The following VIT variants were observed in gnomAD, a reference collection of about 807,000 sequenced individuals.
VIT encodes vitrin.
A neutral mutation model predicts 78.0 loss-of-function variants in VIT; 99 were observed. The ratio of observed to expected loss-of-function variants is 1.27; its 90% CI spans 1.08 to 1.50. The LOEUF (loss-of-function observed/expected upper bound fraction) is 1.50. Ranked by LOEUF, VIT falls within the 40% of genes most tolerant of loss-of-function variation. The pLI is 0.00. For missense variants in VIT, 1,126 were observed against 875.3 expected (o/e 1.29, Z -3.61); for synonymous variants, 374 against 334.3 (o/e 1.12, Z -1.29).
chr2:36,759,535 A>C, intron 6 of VIT: 1 of 1,101,712 alleles, frequency 9.1e-7, no homozygotes, highest in Non-Finnish European at 1.1e-6. Context: ...TGTGAACCAC[A>C]AAAGGGAGTA....
At chr2:36,745,880 T>C (rs989213845) in intron 4 of VIT, among the ~76,000 whole-genome samples, 1 of 152,134 alleles carries the variant, frequency 6.6e-6, no homozygotes, top group Non-Finnish European at 1.5e-5. Context: ...CTTGTCTTGT[T>C]CCAGTTCTCA....
At chr2:36,737,855 C>T (rs1164267175) in intron 3 of VIT, among the ~76,000 whole-genome samples, 2 of 152,186 alleles carry the variant, frequency 1.3e-5, no homozygotes, top group Non-Finnish European at 2.9e-5. Flanking sequence ...GTGGGTTCTC[C>T]ACACAGATTG....
intron 7 of VIT, among the ~76,000 whole-genome samples, chr2:36,770,673 G>C (rs760618528): frequency 5.1e-4 from 78 of 152,218 alleles, no homozygotes; most frequent in Non-Finnish European, 1.5e-4. Flanking sequence ...CAGATCTATA[G>C]ATATGCTTAG....
intron 1 of VIT, 76 bp from the exon 2 acceptor site, chr2:36,716,277 A>G (rs1425704831): frequency 1.6e-6 from 2 of 1,238,612 alleles, no homozygotes; most frequent in African/African-American, 1.5e-5. Context: ...GATGCAGTCT[A>G]TCCCCACACA....
chr2:36,767,594 T>C (rs896017125), intron 7 of VIT, among the ~76,000 whole-genome samples: 1 of 152,244 alleles, frequency 6.6e-6, no homozygotes, highest in Non-Finnish European at 1.5e-5. Context: ...GTTGTTGTTA[T>C]TGGTTTTTAA....
intron 6 of VIT, among the ~76,000 whole-genome samples, chr2:36,764,573 C>A (rs1034077483): frequency 2.6e-5 from 4 of 152,134 alleles, no homozygotes; most frequent in Non-Finnish European, 4.4e-5. Flanking sequence ...AGGCTACAGG[C>A]AAATTTAAAG....
At chr2:36,772,413 G>C (rs1238008906) in intron 7 of VIT, among the ~76,000 whole-genome samples, 1 of 152,300 alleles carries the variant, frequency 6.6e-6, no homozygotes, top group East Asian at 1.9e-4. Flanking sequence ...GCACATGCTT[G>C]TAATCCCAGC....
At chr2:36,743,444 T>C (rs1245887655) in intron 4 of VIT, among the ~76,000 whole-genome samples, 188 bp downstream of exon 4, 1 of 152,242 alleles carries the variant, frequency 6.6e-6, no homozygotes, top group African/African-American at 2.4e-5. Flanking sequence ...TGTTTTTTTC[T>C]TCTTTCATTC....
intron 12 of VIT, 49 bp from the exon 13 acceptor site, chr2:36,801,252 A>T (rs777073205): frequency 1.3e-6 from 2 of 1,497,064 alleles, no homozygotes; most frequent in Non-Finnish European, 1.9e-6. Flanking sequence ...CCTTCCTCCA[A>T]AGGTATTAAC....
At chr2:36,710,434 T>G (rs959298420) in intron 1 of VIT, among the ~76,000 whole-genome samples, 6 of 152,108 alleles carry the variant, frequency 3.9e-5, no homozygotes, top group African/African-American at 1.4e-4. Context: ...TCTGATAAGT[T>G]TTGGCATATG....
At chr2:36,712,170 A>G (rs1665842461) in intron 1 of VIT, among the ~76,000 whole-genome samples, 1 of 152,056 alleles carries the variant, frequency 6.6e-6, no homozygotes, top group Admixed American at 6.6e-5. Context: ...CACACATTTC[A>G]AAAGGCACAT....
chr2:36,787,617 GAT>G (rs1307406370), intron 12 of VIT, among the ~76,000 whole-genome samples: 2 of 152,232 alleles, frequency 1.3e-5, no homozygotes, highest in Non-Finnish European at 2.9e-5. Context: ...TCGCCTCTCT[GAT>G]TGTCAGTTTC....
chr2:36,776,302 A>T (rs1670040973), intron 9 of VIT, among the ~76,000 whole-genome samples: 1 of 152,112 alleles, frequency 6.6e-6, no homozygotes, highest in African/African-American at 2.4e-5. Context: ...GTGAGGACAG[A>T]TTTTCTCCAC....
chr2:36,759,083 A>C (rs1436039332), intron 6 of VIT, 37 bp downstream of exon 6: 4 of 1,614,210 alleles, frequency 2.5e-6, no homozygotes, highest in Middle Eastern at 1.6e-4. Flanking sequence ...AAACCTTCTG[A>C]GTCCATGAAC....
At chr2:36,758,123 G>A (rs1668878199) in intron 5 of VIT, among the ~76,000 whole-genome samples, 1 of 152,190 alleles carries the variant, frequency 6.6e-6, no homozygotes, top group African/African-American at 2.4e-5. Flanking sequence ...TTGGCTAACA[G>A]GTAGTACCCC....
At chr2:36,747,509 T>A (rs1572465324) in intron 4 of VIT, among the ~76,000 whole-genome samples, 1 of 152,324 alleles carries the variant, frequency 6.6e-6, no homozygotes, top group African/African-American at 2.4e-5. Context: ...TAGGATAGTT[T>A]TCTTGTTGAA....
chr2:36,787,683 G>C (rs1239291898), intron 12 of VIT: 2 of 341,612 alleles, frequency 5.9e-6, no homozygotes, highest in African/African-American at 2.2e-5. Flanking sequence ...TACAGCATTT[G>C]TTTGAGGGAC....
intron 6 of VIT, among the ~76,000 whole-genome samples, chr2:36,766,307 T>C (rs1011839624): frequency 6.6e-6 from 1 of 152,086 alleles, no homozygotes; most frequent in East Asian, 1.9e-4. Context: ...GATGGAAGAA[T>C]TGTTTGAGGC....
intron 12 of VIT, among the ~76,000 whole-genome samples, chr2:36,792,105 G>A (rs903765075): frequency 6.6e-6 from 1 of 152,150 alleles, no homozygotes; most frequent in Non-Finnish European, 1.5e-5. Flanking sequence ...TGATGCCTGG[G>A]TCCTGCCTCA....
Sources: allele counts gnomAD v4.1 joint callset (sites outside exome capture counted in the v4.1 genomes callset), GRCh38; gene constraint gnomAD v4.1.1; transcripts MANE v1.5; gene names NCBI Gene and HGNC (gene_info 2026-07-23, HGNC 2026-07-21).